Variants in LARP7 observed in about 807,000 individuals in gnomAD.
LARP7 encodes La ribonucleoprotein 7, transcriptional regulator, also known as la-related protein 7.
A neutral mutation model predicts 69.3 loss-of-function variants in LARP7; 52 were observed. The observed-to-expected ratio is 0.75, with a 90% confidence interval of 0.60 to 0.95. The LOEUF is 0.95. Ranked by LOEUF, LARP7 falls within the 40% of genes least tolerant of loss-of-function variation. The probability of loss-of-function intolerance (pLI) is 0.00; values close to 1 mark genes in which losing one functional copy is unlikely to be tolerated. For missense variants in LARP7, 733 were observed against 673.0 expected (o/e 1.09, Z -0.99); for synonymous variants, 254 against 215.9 (o/e 1.18, Z -1.55).
chr4:112,640,831 GGTAA>G (rs1279404359), intron 1 of LARP7, among the ~76,000 whole-genome samples: 71 of 152,342 alleles, frequency 4.7e-4, no homozygotes, highest in Admixed American at 7.2e-4. Context: ...AGCGGAAAGA[GGTAA>G]GTCTCTCTAA....
At chr4:112,654,225 C>G (rs956828801) in intron 12 of LARP7, 66 bp downstream of exon 12, 2 of 1,081,896 alleles carry the variant, frequency 1.8e-6, no homozygotes, top group African/African-American at 1.6e-5. Context: ...AAAGTCAGTA[C>G]TAGGTAGTCA....
rs748287686 is a variant in LARP7, at chr4:112,644,847, CAGAT to C, written c.182_185del (p.Ile61LysfsTer19). 1.3e-6 allele frequency: 2 copies of C among 1,584,794 alleles called. No individual in the cohort carries two copies. The highest frequency in any genetic ancestry group is 2.3e-5 in the South Asian group (2 of 86,678). On this transcript the variant is annotated frameshift_variant, in exon 2 of 13. Coordinates refer to ENST00000344442, the MANE Select transcript of LARP7 (RefSeq NM_016648.4). LOFTEE classifies it high-confidence loss of function. The stretch of plus-strand genomic sequence containing the variant: ...TCACAAGGATAGATTTCTTCGAGAA[CAGAT>C]AGAAAAATCTAGAGATGGATGTAAG...
chr4:112,649,571 G>C lies in LARP7; in HGVS notation c.1179G>C (p.Ala393=), dbSNP rs761492718. Residue 393 remains alanine (A), a synonymous_variant, in exon 9 of 13, where the codon GCG becomes GCC. Coordinates refer to ENST00000344442, the MANE Select transcript of LARP7 (RefSeq NM_016648.4). The stretch of plus-strand genomic sequence containing the variant: ...TGGATTTGAAAAAAGAGTATTTAGC[G>C]CTACAAAAAGCTAGCATGGCTTCTT... ...EWMDLKKEYL[A]LQKASMASLK... 3 of 1,604,272 alleles carry C rather than the reference G, an allele frequency of 1.9e-6. No homozygotes were observed. The highest frequency in any genetic ancestry group is 2.6e-6 in the Non-Finnish European group (3 of 1,175,190).
chr4:112,653,257 C>CT, intron 11 of LARP7, 21 bp downstream of exon 11: 2 of 1,545,648 alleles, frequency 1.3e-6, no homozygotes, highest in Admixed American at 4.4e-5. Flanking sequence ...ATAGACGTTT[C>CT]CTTTTTTTTT....
chr4:112,648,149 T>C (rs778682764), intron 8 of LARP7: 3 of 519,474 alleles, frequency 5.8e-6, no homozygotes, highest in Non-Finnish European at 1.2e-5. Flanking sequence ...AGTTATTTTC[T>C]AAAAAAATAA....
At position 112,647,827 on chromosome 4, in the gene LARP7, C is replaced by G; in HGVS notation, c.1135C>G (p.Leu379Val). ...MGEEVIPLRV[L>V]SKSEWMDLKK... is the part of the protein sequence containing the mutation. Reference sequence around the variant, plus strand: ...AGAAGAAGTTATACCATTAAGAGTGCTATCAAAGTAAGTCTGTGGTTTAAA... The same window carrying G: ...AGAAGAAGTTATACCATTAAGAGTGGTATCAAAGTAAGTCTGTGGTTTAAA... The change falls in exon 8 of 13, where the codon CTA (leucine) becomes GTA (valine). Residue 379 changes from leucine to valine, a missense_variant. Transcript: ENST00000344442. 6 of 1,587,424 alleles carry G rather than the reference C, an allele frequency of 3.8e-6. No homozygotes were observed. Among genetic ancestry groups the G allele is most frequent in the Non-Finnish European group, 5.2e-6 (6 of 1,157,620 alleles).
rs868183468 is a variant in LARP7, at chr4:112,653,155, ACTC to A, written c.1498_1500del (p.Pro500del). ...TACAGAATGCCATGCTAGATTTAAA[ACTC>A]CTGAGGATGCTCAAGCAGTAATAAA... On this transcript the variant is annotated inframe_deletion, in exon 11 of 13. Transcript: ENST00000344442. The A allele has an allele frequency of 3.7e-6, 6 of 1,610,398 alleles. No homozygotes were observed. The highest frequency in any genetic ancestry group is 1.3e-5 in the African/African-American group (1 of 74,800).
chr4:112,637,217 C>T lies in LARP7; in HGVS notation c.-25C>T, dbSNP rs995124852. The T allele has an allele frequency of 6.6e-6, 1 of 152,196 alleles. No homozygotes were observed. The highest frequency in any genetic ancestry group is 1.5e-5 in the Non-Finnish European group (1 of 68,056). 9.4% of individuals were successfully genotyped at this position (152,196 alleles called of 1,614,324 possible). On this transcript the variant is annotated 5_prime_UTR_variant, in exon 1 of 13. Coordinates refer to ENST00000344442, the MANE Select transcript of LARP7 (RefSeq NM_016648.4). Reference sequence around the variant, plus strand: ...TGTCCGAAGGCCGCAGTACTTGACCCTGTATTTTGGGAGTCGAACGGAGTA... The same window carrying T: ...TGTCCGAAGGCCGCAGTACTTGACCTTGTATTTTGGGAGTCGAACGGAGTA...
At chr4:112,645,449 TCG>T in intron 2 of LARP7, 1 of 453,764 alleles carries the variant, frequency 2.2e-6, no homozygotes, top group Admixed American at 2.4e-5. Context: ...CATGTGTAAC[TCG>T]AGAGTGCTAT....
rs2048243033 is a variant in LARP7, at chr4:112,646,424, A to G, written c.276A>G (p.Arg92=). The change falls in exon 3 of 13, where the codon AGA becomes AGG. Residue 92 remains arginine, a synonymous_variant. Transcript: ENST00000344442. ...CTACTGATGGGAAGTTAATTGCCAGAGCATTGAGAAGTTCAGCTGTTGTAG... is the reference window on the plus strand; with the variant it reads ...CTACTGATGGGAAGTTAATTGCCAGGGCATTGAGAAGTTCAGCTGTTGTAG... ...KLTTDGKLIA[R]ALRSSAVVEL... The G allele has an allele frequency of 5.6e-6, 9 of 1,603,772 alleles. No homozygotes were observed. The highest frequency in any genetic ancestry group is 6.8e-6 in the Non-Finnish European group (8 of 1,171,854).
intron 12 of LARP7, among the ~76,000 whole-genome samples, chr4:112,657,009 T>C (rs1258311910): frequency 2.6e-5 from 4 of 152,182 alleles, no homozygotes; most frequent in African/African-American, 4.8e-5. Flanking sequence ...CAACAATTTA[T>C]GTAAGGGTGT....
chr4:112,652,627 TGGAA>T (rs1462688140), intron 10 of LARP7, among the ~76,000 whole-genome samples: 1 of 152,116 alleles, frequency 6.6e-6, no homozygotes. Flanking sequence ...TTATTAAAAG[TGGAA>T]TGATTTGTAC....
At chr4:112,646,326 A>G (rs769831458) in intron 2 of LARP7, 25 bp from the exon 3 acceptor site, 3 of 1,146,328 alleles carry the variant, frequency 2.6e-6, no homozygotes, top group South Asian at 1.3e-5. Flanking sequence ...ATACACTAAC[A>G]TATTAACTTT....
intron 8 of LARP7, 110 bp from the exon 9 acceptor site, chr4:112,649,425 G>A: frequency 1.2e-6 from 1 of 859,692 alleles, no homozygotes; most frequent in South Asian, 2.0e-5. Flanking sequence ...AAAGAAACAG[G>A]AAAGTTGGTG....
At chr4:112,648,117 T>C (rs777429513) in intron 8 of LARP7, 2 of 552,658 alleles carry the variant, frequency 3.6e-6, no homozygotes, top group Non-Finnish European at 7.3e-6. Flanking sequence ...CTTAAATATA[T>C]GAGCTGCGGT....
chr4:112,647,022 C>G lies in LARP7; in HGVS notation c.553-12C>G, dbSNP rs747698057. 1 of 1,591,480 alleles carries G rather than the reference C, an allele frequency of 6.3e-7. No homozygotes were observed. The highest frequency in any genetic ancestry group is 2.2e-5 in the East Asian group (1 of 44,766). On this transcript the variant is annotated splice_polypyrimidine_tract_variant and intron_variant, in intron 5 of 12. Transcript: ENST00000344442. ...ACAAGTATTAAAATAGTAACTTTTG[C>G]AATCATTTCAGTTTCTTAACAACCC...
chr4:112,641,402 AAAG>A, intron 1 of LARP7, among the ~76,000 whole-genome samples: 1 of 152,142 alleles, frequency 6.6e-6, no homozygotes, highest in Non-Finnish European at 1.5e-5. Flanking sequence ...AAAAAAAAAA[AAAG>A]AAACCTTTGG....
At chr4:112,650,626 T>A in intron 10 of LARP7, 44 bp downstream of exon 10, 1 of 1,558,598 alleles carries the variant, frequency 6.4e-7, no homozygotes, top group East Asian at 2.3e-5. Flanking sequence ...TTTCTTCTCT[T>A]ATTATTTCCC....
intron 11 of LARP7, among the ~76,000 whole-genome samples, chr4:112,653,617 C>G (rs1578644646): frequency 6.6e-6 from 1 of 152,306 alleles, no homozygotes; most frequent in East Asian, 1.9e-4. Context: ...CCCAGGTTAG[C>G]TGGGATTACA....
Sources: gnomAD v4.1 joint callset for allele counts (sites outside exome capture counted in the v4.1 genomes callset) on GRCh38, gnomAD v4.1.1 for gene constraint, MANE v1.5 for transcripts, NCBI Gene and HGNC (gene_info 2026-07-23, HGNC 2026-07-21) for gene names.